BRINP3: variants seen among roughly 807,000 people sequenced by gnomAD.
BRINP3 encodes BMP/retinoic acid inducible neural specific 3.
In BRINP3, 19 loss-of-function variants were observed where a neutral mutation model predicts 71.0. That is an observed-to-expected ratio of 0.27 (90% CI 0.19 to 0.39). BRINP3 has a LOEUF of 0.39. Among genes scored for constraint, BRINP3 ranks in the 10% least tolerant of loss-of-function variants. The probability of loss-of-function intolerance (pLI) is 1.00; values close to 1 mark genes in which losing one functional copy is unlikely to be tolerated. For synonymous variants in BRINP3, 380 were observed against 337.7 expected, an observed-to-expected ratio of 1.13 and a Z score of -1.37; for missense variants, 959 against 940.8, an observed-to-expected ratio of 1.02 and a Z score of -0.25.
At chr1:190,347,904 A>G (rs979319777) in intron 2 of BRINP3, among the ~76,000 whole-genome samples, 8 of 152,186 alleles carry the variant, frequency 5.3e-5, no homozygotes, top group Non-Finnish European at 7.3e-5. Flanking sequence ...AAGGAGCTAG[A>G]TCACAAAGTA....
chr1:190,271,770 G>A (rs1662131408), intron 3 of BRINP3, among the ~76,000 whole-genome samples: 1 of 151,492 alleles, frequency 6.6e-6, no homozygotes, highest in African/African-American at 2.4e-5. Flanking sequence ...TAAGTATGGT[G>A]CATCATTAAT....
At chr1:190,324,885 T>C (rs1666477658) in intron 2 of BRINP3, among the ~76,000 whole-genome samples, 2 of 152,042 alleles carry the variant, frequency 1.3e-5, no homozygotes, top group South Asian at 4.1e-4. Flanking sequence ...GTGTGATACC[T>C]TGTAATCATT....
At chr1:190,412,405 A>G (rs1363256462) in intron 2 of BRINP3, among the ~76,000 whole-genome samples, 1 of 141,214 alleles carries the variant, frequency 7.1e-6, no homozygotes, top group Non-Finnish European at 1.6e-5. Context: ...TTATATATAT[A>G]TATATATATA....
At chr1:190,350,995 G>C (rs1023243680) in intron 2 of BRINP3, among the ~76,000 whole-genome samples, 15 of 151,694 alleles carry the variant, frequency 9.9e-5, no homozygotes, top group African/African-American at 2.4e-5. Context: ...GCTAATTTTG[G>C]GGTTTTTCCA....
chr1:190,377,734 T>A (rs1266853194), intron 2 of BRINP3, among the ~76,000 whole-genome samples: 1 of 151,536 alleles, frequency 6.6e-6, no homozygotes, highest in East Asian at 1.9e-4. Context: ...CTTTATACAG[T>A]AGCAATGAAA....
At chr1:190,417,846 T>C (rs1198270813) in intron 2 of BRINP3, among the ~76,000 whole-genome samples, 1 of 152,200 alleles carries the variant, frequency 6.6e-6, no homozygotes, top group Non-Finnish European at 1.5e-5. Context: ...CTGTGTGCCA[T>C]TTTTAATAAC....
intron 1 of BRINP3, among the ~76,000 whole-genome samples, chr1:190,475,257 C>G (rs2102728804): frequency 6.6e-6 from 1 of 152,256 alleles, no homozygotes; most frequent in South Asian, 2.1e-4. Context: ...GAGGAATCGT[C>G]GTTTACTAAC....
chr1:190,270,347 A>T (rs916731077), intron 3 of BRINP3, among the ~76,000 whole-genome samples: 17 of 151,370 alleles, frequency 1.1e-4, no homozygotes, highest in Admixed American at 2.6e-4. Flanking sequence ...TTATTTATTT[A>T]TAAAAATAAA....
intron 2 of BRINP3, among the ~76,000 whole-genome samples, chr1:190,436,220 A>T (rs1488221627): frequency 6.6e-6 from 1 of 151,944 alleles, no homozygotes; most frequent in Admixed American, 6.6e-5. Flanking sequence ...TGAGGACATC[A>T]TTTGGCCTAG....
chr1:190,201,726 G>A (rs755904708), intron 6 of BRINP3, among the ~76,000 whole-genome samples: 24 of 151,662 alleles, frequency 1.6e-4, no homozygotes, highest in Non-Finnish European at 3.4e-4. Flanking sequence ...ATAGAATTCG[G>A]AACGTGGCTT....
chr1:190,448,222 T>C (rs1675357994), intron 2 of BRINP3, among the ~76,000 whole-genome samples: 1 of 151,698 alleles, frequency 6.6e-6, no homozygotes, highest in Non-Finnish European at 1.5e-5. Flanking sequence ...GTATTCTTAA[T>C]ATCTAGTTTT....
chr1:190,435,380 C>T (rs1462991408), intron 2 of BRINP3, among the ~76,000 whole-genome samples: 2 of 151,852 alleles, frequency 1.3e-5, no homozygotes, highest in Non-Finnish European at 2.9e-5. Flanking sequence ...GATTACATTA[C>T]TGAACTGTGT....
chr1:190,104,226 G>T (rs1411330907), intron 7 of BRINP3, among the ~76,000 whole-genome samples: 1 of 151,880 alleles, frequency 6.6e-6, no homozygotes, highest in Non-Finnish European at 1.5e-5. Flanking sequence ...TAACATTTAG[G>T]TTCTTGAGTG....
chr1:190,278,136 T>C (rs555195952), intron 3 of BRINP3, among the ~76,000 whole-genome samples: 14 of 151,726 alleles, frequency 9.2e-5, no homozygotes, highest in Non-Finnish European at 2.1e-4. Context: ...CATGTATTTC[T>C]TTTTATGACT....
chr1:190,162,186 A>C (rs1651050854), intron 6 of BRINP3, among the ~76,000 whole-genome samples: 1 of 150,040 alleles, frequency 6.7e-6, no homozygotes, highest in Admixed American at 6.7e-5. Flanking sequence ...GAGTTTAAAT[A>C]ATAGATGCAT....
intron 2 of BRINP3, among the ~76,000 whole-genome samples, chr1:190,404,163 C>T (rs568868257): frequency 3.9e-4 from 60 of 152,164 alleles, no homozygotes; most frequent in African/African-American, 1.3e-3. Context: ...ATTTTGCATC[C>T]TCTATAGTTT....
intron 2 of BRINP3, among the ~76,000 whole-genome samples, chr1:190,325,573 G>A (rs972519498): frequency 6.6e-6 from 1 of 151,948 alleles, no homozygotes; most frequent in African/African-American, 2.4e-5. Flanking sequence ...GCTGATGTGT[G>A]GAAAAGGAGC....
chr1:190,158,423 T>C (rs769461977), intron 7 of BRINP3, among the ~76,000 whole-genome samples: 11 of 152,084 alleles, frequency 7.2e-5, no homozygotes, highest in Non-Finnish European at 1.2e-4. Flanking sequence ...TTGGTACTTA[T>C]GGACATAAAC....
intron 2 of BRINP3, among the ~76,000 whole-genome samples, chr1:190,328,614 T>C (rs1666761695): frequency 6.6e-6 from 1 of 151,504 alleles, no homozygotes; most frequent in South Asian, 2.1e-4. Context: ...AAACTGGTAC[T>C]AATTCAAATG....
Sources: allele counts gnomAD v4.1 joint callset (sites outside exome capture counted in the v4.1 genomes callset), GRCh38; gene constraint gnomAD v4.1.1; transcripts MANE v1.5; gene names NCBI Gene and HGNC (gene_info 2026-07-23, HGNC 2026-07-21).